PAH: variants seen among roughly 807,000 people sequenced by gnomAD.
The protein encoded by PAH is phenylalanine-4-hydroxylase.
PAH carries 64 observed loss-of-function variants against 62.0 expected under a neutral mutation model. The ratio of observed to expected loss-of-function variants is 1.03; its 90% CI spans 0.84 to 1.27. The LOEUF (loss-of-function observed/expected upper bound fraction) is 1.27. PAH is among the 50% of genes most tolerant of loss of function. The pLI, the probability that PAH is intolerant of heterozygous loss-of-function variation, is 0.00. For synonymous variants in PAH, 195 were observed against 196.2 expected (o/e 0.99, Z 0.05); for missense variants, 579 against 542.8 (o/e 1.07, Z -0.66).
chr12:102,890,701 C>A (rs767169709), intron 3 of PAH, among the ~76,000 whole-genome samples: 2 of 152,206 alleles, frequency 1.3e-5, no homozygotes, highest in East Asian at 1.9e-4. Context: ...AGCAAGAAAG[C>A]GAGAAGCCCC....
chr12:102,927,418 C>A (rs950056928), intron 1 of PAH, among the ~76,000 whole-genome samples: 1 of 151,644 alleles, frequency 6.6e-6, no homozygotes, highest in South Asian at 2.1e-4. Flanking sequence ...TCTGTCTCCT[C>A]TCCTGGACTA....
At chr12:102,861,766 G>A (rs527592882) in intron 5 of PAH, among the ~76,000 whole-genome samples, 87 of 152,164 alleles carry the variant, frequency 5.7e-4, no homozygotes, top group African/African-American at 1.9e-3. Context: ...TCACTCATAG[G>A]TGGGAATTGA....
chr12:102,943,126 GA>G (rs1340534447), intron 1 of PAH, among the ~76,000 whole-genome samples: 4 of 151,970 alleles, frequency 2.6e-5, no homozygotes, highest in African/African-American at 9.7e-5. Flanking sequence ...TATCAATAGA[GA>G]AAAAAGAAGA....
upstream of PAH, among the ~76,000 whole-genome samples, chr12:102,922,194 C>CTTT (rs1878565407): frequency 7.6e-6 from 1 of 131,678 alleles, no homozygotes; most frequent in African/African-American, 3.3e-5. Flanking sequence ...CTAAATCTTG[C>CTTT]CTTTTTTTTT....
At chr12:102,942,968 C>A (rs1879346835) in intron 1 of PAH, among the ~76,000 whole-genome samples, 1 of 151,960 alleles carries the variant, frequency 6.6e-6, no homozygotes. Context: ...ACTTTAAGAA[C>A]CCTAGAAGAA....
rs539981875 is a variant in PAH at position 102,853,660 on chromosome 12, G to A, written c.707-710C>T. On this transcript the variant is annotated intron_variant, in intron 6 of 12. Coordinates refer to ENST00000553106, the MANE Select transcript of PAH (RefSeq NM_000277.3). ...ATATCTATATCACATTCTCTAAATC[G>A]CTCAATTTTAAAGCTGACCTCTGAT... 1.1e-3 allele frequency among the ~76,000 whole-genome samples: 161 copies of A among 152,228 alleles called. 1 individual carries two copies. Among genetic ancestry groups the A allele is most frequent in the African/African-American group, 3.4e-3 (142 of 41,536 alleles).
chr12:102,907,883 G>T (rs1878040290), intron 2 of PAH, among the ~76,000 whole-genome samples: 1 of 152,216 alleles, frequency 6.6e-6, no homozygotes, highest in East Asian at 1.9e-4. Context: ...CTTCCAAAGT[G>T]CTGGGACTAC....
intron 5 of PAH, among the ~76,000 whole-genome samples, chr12:102,859,201 T>C: frequency 6.6e-6 from 1 of 152,210 alleles, no homozygotes; most frequent in African/African-American, 2.4e-5. Flanking sequence ...AACACCTCTA[T>C]GCAAATAAAC....
At chr12:102,926,399 C>A (rs191202127) in intron 1 of PAH, among the ~76,000 whole-genome samples, 1 of 151,690 alleles carries the variant, frequency 6.6e-6, no homozygotes, top group African/African-American at 2.4e-5. Flanking sequence ...GAGGAGCATA[C>A]ATAAGCCAGT....
At chr12:102,899,086 T>C (rs1043566838) in intron 2 of PAH, among the ~76,000 whole-genome samples, 15 of 152,194 alleles carry the variant, frequency 9.9e-5, no homozygotes, top group African/African-American at 3.6e-4. Flanking sequence ...GATTACTTGT[T>C]AAACAAAGCA....
chr12:102,840,274 T>C, intron 12 of PAH, 126 bp downstream of exon 12: 1 of 693,310 alleles, frequency 1.4e-6, no homozygotes, highest in Non-Finnish European at 2.6e-6. Context: ...ATGGCTTACA[T>C]GGAGGTGCTT....
chr12:102,903,853 A>G, intron 2 of PAH, among the ~76,000 whole-genome samples: 1 of 152,024 alleles, frequency 6.6e-6, no homozygotes. Context: ...CCTTCCCTAG[A>G]GAATATGTGG....
At chr12:102,855,985 A>G (rs1297864388) in intron 5 of PAH, among the ~76,000 whole-genome samples, 1 of 151,044 alleles carries the variant, frequency 6.6e-6, no homozygotes, top group Non-Finnish European at 1.5e-5. Context: ...CATGTTGTAC[A>G]CCATATTTTA....
intron 1 of PAH, among the ~76,000 whole-genome samples, chr12:102,940,249 T>G (rs1202575559): frequency 6.6e-6 from 1 of 152,172 alleles, no homozygotes; most frequent in Non-Finnish European, 1.5e-5. Context: ...GCATGACAAC[T>G]CTGACAATTC....
At chr12:102,934,418 G>A (rs1289089108) in intron 1 of PAH, among the ~76,000 whole-genome samples, 1 of 86,148 alleles carries the variant, frequency 1.2e-5, no homozygotes, top group African/African-American at 4.8e-5. Context: ...GGTGTTTCAT[G>A]GTACCTTAAA....
chr12:102,916,297 C>T (rs1878381755), intron 1 of PAH, among the ~76,000 whole-genome samples: 1 of 152,176 alleles, frequency 6.6e-6, no homozygotes, highest in African/African-American at 2.4e-5. Flanking sequence ...CAGGGGCCTG[C>T]AGACTTACAT....
At chr12:102,917,597 C>T (rs1234388588), upstream of PAH, 11 of 222,268 alleles carry the variant, frequency 4.9e-5, no homozygotes, top group African/African-American at 2.1e-4. Context: ...CCCCTTACCC[C>T]CAGCTGAAAC....
At chr12:102,882,642 CTA>C (rs869088873) in intron 3 of PAH, among the ~76,000 whole-genome samples, 5,291 of 85,658 alleles carry the variant, frequency 0.062, 137 homozygotes, top group Non-Finnish European at 0.081. Context: ...TATATATACA[CTA>C]TATATATATA....
intron 6 of PAH, among the ~76,000 whole-genome samples, chr12:102,853,799 T>C (rs1418386542): frequency 1.3e-5 from 2 of 152,222 alleles, no homozygotes; most frequent in Non-Finnish European, 2.9e-5. Flanking sequence ...ACCTACTGTA[T>C]GTAAGACACT....
Sources: allele counts gnomAD v4.1 joint callset (sites outside exome capture counted in the v4.1 genomes callset), GRCh38; gene constraint gnomAD v4.1.1; transcripts MANE v1.5; gene names NCBI Gene and HGNC (gene_info 2026-07-23, HGNC 2026-07-21).